Variants in CSNK1A1 observed in about 807,000 individuals in gnomAD.
CSNK1A1 encodes the protein casein kinase 1 alpha 1.
In CSNK1A1, 7 loss-of-function variants were observed where a neutral mutation model predicts 46.1. The observed-to-expected ratio is 0.15, with a 90% CI of 0.09 to 0.29. CSNK1A1 has a LOEUF of 0.29. Ranked by LOEUF, CSNK1A1 falls within the 10% of genes least tolerant of loss-of-function variation. CSNK1A1 has a pLI of 1.00. For synonymous variants in CSNK1A1, 137 were observed against 141.5 expected, an observed-to-expected ratio of 0.97 and a Z score of 0.23; for missense variants, 96 against 417.1, an observed-to-expected ratio of 0.23 and a Z score of 6.71.
intron 2 of CSNK1A1, among the ~76,000 whole-genome samples, chr5:149,542,662 A>ATGTATG (rs1762329205): frequency 1.4e-4 from 1 of 7,198 alleles, no homozygotes; most frequent in South Asian, 5.6e-3. Flanking sequence ...ATATATATAT[A>ATGTATG]TATATATATG....
chr5:149,500,614 C>T (rs1451792551), intron 9 of CSNK1A1, among the ~76,000 whole-genome samples: 1 of 151,384 alleles, frequency 6.6e-6, no homozygotes, highest in Admixed American at 6.6e-5. Flanking sequence ...TTTAAAATAG[C>T]GATGAGGTCT....
chr5:149,533,917 G>A (rs750943749), intron 2 of CSNK1A1, among the ~76,000 whole-genome samples: 8 of 152,206 alleles, frequency 5.3e-5, no homozygotes, highest in African/African-American at 1.2e-4. Flanking sequence ...CAGATTAGTA[G>A]TTGCCTAGGG....
intron 8 of CSNK1A1, among the ~76,000 whole-genome samples, chr5:149,505,823 C>T (rs1235790948): frequency 6.6e-6 from 1 of 152,062 alleles, no homozygotes; most frequent in Non-Finnish European, 1.5e-5. Context: ...GGAGGTACTT[C>T]CTAAAAACAA....
chr5:149,505,489 G>C lies in CSNK1A1; in HGVS notation c.964C>G (p.Pro322Ala), dbSNP rs999037646. Residue 322 changes from proline (P) to alanine (A), a missense_variant, in exon 9 of 10, where the codon CCC becomes GCC. Transcript: ENST00000377843. ...GTTTTGTCAGTTTGCTTGCCTGTGG[G>C]GGTTTGGGCCTGCTGACCCTGCCCA... is the stretch of plus-strand genomic sequence containing the variant. ...SSGQGQQAQT[P>A]TGKQTDKTKS... 1 of 1,614,058 alleles carries C rather than the reference G, an allele frequency of 6.2e-7. No homozygotes were observed. Among genetic ancestry groups the C allele is most frequent in the South Asian group, 1.1e-5 (1 of 91,066 alleles).
At chr5:149,497,561 T>G (rs1580813167) in intron 9 of CSNK1A1, 2 of 985,388 alleles carry the variant, frequency 2.0e-6, no homozygotes, top group Non-Finnish European at 2.4e-6. Context: ...TAGGCCAAGT[T>G]TGAATACAAG....
intron 4 of CSNK1A1, among the ~76,000 whole-genome samples, chr5:149,519,570 C>G (rs1171419530): frequency 6.6e-6 from 1 of 152,144 alleles, no homozygotes; most frequent in East Asian, 1.9e-4. Context: ...TAACTGCAAT[C>G]ATGCGCCACT....
intron 2 of CSNK1A1, among the ~76,000 whole-genome samples, chr5:149,533,732 C>T (rs1474961287): frequency 1.3e-5 from 2 of 151,410 alleles, no homozygotes; most frequent in Non-Finnish European, 2.9e-5. Flanking sequence ...CATCACTGCT[C>T]CAACATTGAT....
chr5:149,501,995 A>AG, intron 9 of CSNK1A1: 1 of 953,090 alleles, frequency 1.0e-6, no homozygotes, highest in Non-Finnish European at 1.2e-6. Context: ...TGGCATAAAG[A>AG]GAAGTCTTTT....
chr5:149,530,923 G>A (rs1285006746), intron 2 of CSNK1A1, among the ~76,000 whole-genome samples: 3 of 117,838 alleles, frequency 2.5e-5, no homozygotes, highest in Non-Finnish European at 4.8e-5. Context: ...CTGAGATCTC[G>A]CCATTGCACT....
In CSNK1A1 at chr5:149,550,488, C is replaced by G. The variant is rs960802292; in HGVS notation, c.124-307G>C. 2.2e-5 allele frequency among the ~76,000 whole-genome samples: 3 copies of G among 139,312 alleles called. No homozygotes were observed. In the Admixed American group the frequency reaches 2.3e-4, roughly 11 times the overall value. 91.4% of individuals were successfully genotyped at this position (139,312 alleles called of 152,430 possible). On this transcript the variant is annotated intron_variant, in intron 1 of 9. Coordinates refer to ENST00000377843, the MANE Select transcript of CSNK1A1 (RefSeq NM_001892.6). The surrounding 1 kb of genome is among the most constrained non-coding windows in gnomAD (Gnocchi z 4.3). The stretch of plus-strand genomic sequence containing the variant: ...CGATCGGAAACTGTTCTAATTGGAA[C>G]AAGAGGCCCAGTAGAATTAAGAATT...
At chr5:149,503,386 A>G in intron 9 of CSNK1A1, 1 of 985,440 alleles carries the variant, frequency 1.0e-6, no homozygotes, top group Non-Finnish European at 1.2e-6. Flanking sequence ...GATGTCAAAG[A>G]GCAAAAAGAA....
intron 3 of CSNK1A1, among the ~76,000 whole-genome samples, chr5:149,520,747 C>G (rs1430150419): frequency 6.6e-6 from 1 of 152,178 alleles, no homozygotes; most frequent in Non-Finnish European, 1.5e-5. Context: ...CAATCCTAGG[C>G]CTTCTAAAGT....
intron 2 of CSNK1A1, among the ~76,000 whole-genome samples, chr5:149,538,533 G>A (rs1247879524): frequency 6.6e-6 from 1 of 152,132 alleles, no homozygotes; most frequent in Non-Finnish European, 1.5e-5. Context: ...ATATTATGGA[G>A]GTTCAAAAAT....
At position 149,543,139 on chromosome 5, in the gene CSNK1A1, G is replaced by A. The variant is rs147775442; in HGVS notation, c.230+6936C>T. ...AAGAGCTCTTCAGCTTGTCTATGAG[G>A]CAAAATGCCAACAAGTGAAGAAGTA... On this transcript the variant is annotated intron_variant, in intron 2 of 9. Coordinates refer to ENST00000377843, the MANE Select transcript of CSNK1A1 (RefSeq NM_001892.6). Among the ~76,000 whole-genome samples the A allele has an allele frequency of 4.4e-3, 668 of 152,188 alleles. 5 individuals carry two copies. Among genetic ancestry groups the A allele is most frequent in the African/African-American group, 0.015 (630 of 41,508 alleles).
At chr5:149,544,735 CTTTATA>C (rs1405495435) in intron 2 of CSNK1A1, among the ~76,000 whole-genome samples, 13 of 21,690 alleles carry the variant, frequency 6.0e-4, no homozygotes, top group African/African-American at 1.8e-3. Flanking sequence ...GGGTAAAGAG[CTTTATA>C]TATATATATA....
chr5:149,540,316 A>C (rs935200354), intron 2 of CSNK1A1, among the ~76,000 whole-genome samples: 6 of 152,084 alleles, frequency 3.9e-5, no homozygotes, highest in Non-Finnish European at 7.4e-5. Context: ...ATTGAAATGT[A>C]CTCTCTTCAG....
intron 9 of CSNK1A1, chr5:149,498,203 T>C: frequency 7.1e-6 from 7 of 985,274 alleles, no homozygotes; most frequent in Non-Finnish European, 8.4e-6. Flanking sequence ...AATTCTAATA[T>C]TTATTTCTTA....
chr5:149,532,384 T>TA (rs879440683), intron 2 of CSNK1A1, among the ~76,000 whole-genome samples: 198 of 142,114 alleles, frequency 1.4e-3, no homozygotes, highest in Middle Eastern at 3.6e-3. Context: ...AGACTTAGTC[T>TA]AAAAAAAAAA....
rs1211049468 is a variant in CSNK1A1 at position 149,550,636 on chromosome 5, A to C, written c.123+206T>G. On this transcript the variant is annotated intron_variant, in intron 1 of 9. Coordinates refer to ENST00000377843, the MANE Select transcript of CSNK1A1 (RefSeq NM_001892.6). The surrounding 1 kb of genome is among the most constrained non-coding windows in gnomAD (Gnocchi z 4.3). Reference sequence around the variant, plus strand: ...TGGGACGTGTTTAACAAGGTGGGAAACTAGTTCCCCCAACCTTTCTATCGG... The same window carrying C: ...TGGGACGTGTTTAACAAGGTGGGAACCTAGTTCCCCCAACCTTTCTATCGG... 6.6e-6 allele frequency among the ~76,000 whole-genome samples: 1 copy of C among 151,970 alleles called. No homozygotes were observed. The highest frequency in any genetic ancestry group is 1.9e-4 in the East Asian group (1 of 5,196).
Sources: gnomAD v4.1 joint callset for allele counts (sites outside exome capture counted in the v4.1 genomes callset) on GRCh38, gnomAD v4.1.1 for gene constraint, Gnocchi (gnomAD v3.1) non-coding constraint, MANE v1.5 for transcripts, NCBI Gene and HGNC (gene_info 2026-07-23, HGNC 2026-07-21) for gene names.